The following PYGB variants were observed in gnomAD, a reference collection of about 807,000 sequenced individuals.
PYGB encodes the protein glycogen phosphorylase B.
Under a neutral mutation model 94.3 loss-of-function variants are expected in PYGB, and 82 were observed. That is an observed-to-expected ratio of 0.87 (90% CI 0.73 to 1.04). The LOEUF is 1.04. PYGB is among the 50% of genes least tolerant of loss of function. The probability of loss-of-function intolerance (pLI) is 0.00; values close to 1 mark genes in which losing one functional copy is unlikely to be tolerated. For synonymous variants in PYGB, 488 were observed against 479.1 expected (o/e 1.02, Z -0.24); for missense variants, 1,132 against 1,158.2 (o/e 0.98, Z 0.33).
intron 1 of PYGB, among the ~76,000 whole-genome samples, chr20:25,253,631 A>G (rs942311589): frequency 1.0e-5 from 1 of 98,832 alleles, no homozygotes; most frequent in Non-Finnish European, 2.5e-5. Flanking sequence ...CCTAAATAAA[A>G]TAAAATAAAA....
At position 25,292,579 on chromosome 20, in the gene PYGB, C is replaced by G. The variant is rs201026212; in HGVS notation, c.2143C>G (p.Arg715Gly). ...CGAGAACCTCTTCATCTTCGGCCTG[C>G]GGGTGGAGGATGTCGAGGCCTTGGA... The part of the protein sequence containing the change: ...GAENLFIFGL[R>G]VEDVEALDRK... Residue 715 changes from arginine to glycine, a missense_variant, in exon 17 of 20, where the codon CGG becomes GGG. Physicochemically the swap from Arg to Gly is moderately radical, Grantham distance 125 (BLOSUM62 -2). Coordinates refer to ENST00000216962, the MANE Select transcript of PYGB (RefSeq NM_002862.4). 3 of 1,612,544 alleles carry G rather than the reference C, an allele frequency of 1.9e-6. No homozygotes were observed. The highest frequency in any genetic ancestry group is 2.5e-6 in the Non-Finnish European group (3 of 1,179,966).
intron 18 of PYGB, 141 bp downstream of exon 18, chr20:25,294,433 T>G: frequency 4.5e-6 from 5 of 1,120,532 alleles, no homozygotes; most frequent in Non-Finnish European, 6.3e-6. Flanking sequence ...CATGAGACCT[T>G]ACTGGGCAGA....
rs771604610 is a variant in PYGB at position 25,296,322 on chromosome 20, C to T, written c.2380-48C>T. ...TTCTGGAATCCCATGTTTTTAGCAG[C>T]CCCAAGCCCTGTGACGCCAGAGACT... On this transcript the variant is annotated intron_variant, in intron 19 of 19. Coordinates refer to ENST00000216962, the MANE Select transcript of PYGB (RefSeq NM_002862.4). 9 of 1,607,230 alleles carry T rather than the reference C, an allele frequency of 5.6e-6. No homozygotes were observed. In the East Asian group the frequency reaches 1.6e-4, roughly 28 times the overall value.
chr20:25,284,608 T>A (rs1365305033), intron 14 of PYGB, among the ~76,000 whole-genome samples: 2 of 152,216 alleles, frequency 1.3e-5, no homozygotes, highest in African/African-American at 4.8e-5. Context: ...GTATTTTTTG[T>A]AGAGACAGGG....
chr20:25,293,951 GACTGACTTCAC>G, intron 17 of PYGB, 196 bp from the exon 18 acceptor site: 18 of 613,124 alleles, frequency 2.9e-5, no homozygotes, highest in East Asian at 8.4e-5. Flanking sequence ...ATTGGCTTTA[GACTGACTTCAC>G]ATCTCTGCTC....
rs2088549801 is a variant in PYGB, at chr20:25,296,560, T to A, written c.*38T>A. On this transcript the variant is annotated 3_prime_UTR_variant, in exon 20 of 20. Coordinates refer to ENST00000216962, the MANE Select transcript of PYGB (RefSeq NM_002862.4). ...TTGGCGGGACCAGCGGGCATTTGTT[T>A]TCTTGCTGACTTTGCACCTCCTTTT... 7 of 1,584,706 alleles carry A rather than the reference T, an allele frequency of 4.4e-6. No individual in the cohort carries two copies. The highest frequency in any genetic ancestry group is 6.0e-6 in the Non-Finnish European group (7 of 1,165,718).
intron 13 of PYGB, 96 bp from the exon 14 acceptor site, chr20:25,284,008 G>A (rs560136986): frequency 4.1e-6 from 6 of 1,464,678 alleles, no homozygotes; most frequent in African/African-American, 2.8e-5. Context: ...CCCTCCCTGC[G>A]GCACTCTTCA....
intron 6 of PYGB, among the ~76,000 whole-genome samples, 167 bp downstream of exon 6, chr20:25,276,924 C>CCTGT (rs1478724940): frequency 1.3e-5 from 2 of 152,030 alleles, no homozygotes; most frequent in African/African-American, 2.4e-5. Context: ...GTGCAGCTTA[C>CCTGT]CTGTGTGTGG....
At chr20:25,280,206 A>G in intron 9 of PYGB, 60 bp from the exon 10 acceptor site, 3 of 1,575,132 alleles carry the variant, frequency 1.9e-6, no homozygotes, top group South Asian at 1.1e-5. Flanking sequence ...TGCCTAGGCA[A>G]CTGGCCAGAG....
At chr20:25,289,083 C>A (rs1019945113) in intron 15 of PYGB, among the ~76,000 whole-genome samples, 4 of 152,202 alleles carry the variant, frequency 2.6e-5, no homozygotes, top group African/African-American at 7.2e-5. Context: ...CCCCAGCCCT[C>A]CACGGCAAGG....
chr20:25,258,986 A>C (rs1364763688), intron 1 of PYGB, among the ~76,000 whole-genome samples: 1 of 152,194 alleles, frequency 6.6e-6, no homozygotes, highest in Non-Finnish European at 1.5e-5. Flanking sequence ...ATGGAAAGTT[A>C]GTGTGTGTTC....
intron 14 of PYGB, chr20:25,285,406 C>G (rs1054767377): frequency 6.6e-6 from 1 of 152,280 alleles, no homozygotes; most frequent in Non-Finnish European, 1.5e-5. Context: ...CCACCACCCC[C>G]ACAGTCAGTT....
intron 9 of PYGB, 24 bp from the exon 10 acceptor site, chr20:25,280,242 T>C (rs2088353174): frequency 2.5e-6 from 4 of 1,611,376 alleles, no homozygotes; most frequent in African/African-American, 2.7e-5. Flanking sequence ...AACAAACACA[T>C]GGGAACATTC....
intron 6 of PYGB, 116 bp from the exon 7 acceptor site, chr20:25,277,128 T>G (rs1319368227): frequency 3.9e-6 from 3 of 767,814 alleles, no homozygotes; most frequent in Non-Finnish European, 4.5e-6. Context: ...ATGCAGCGGC[T>G]GGGGGAGTCC....
chr20:25,290,453 G>A, intron 15 of PYGB, 28 bp from the exon 16 acceptor site: 1 of 1,593,892 alleles, frequency 6.3e-7, no homozygotes, highest in Non-Finnish European at 8.6e-7. Context: ...GCATTTTTGT[G>A]CTAAAAACCT....
At chr20:25,251,266 G>A (rs2092887201) in intron 1 of PYGB, 1 of 152,246 alleles carries the variant, frequency 6.6e-6, no homozygotes, top group African/African-American at 2.4e-5. Context: ...GCGCTGCATG[G>A]AGAAGAAAGG....
chr20:25,271,328 TG>T, intron 3 of PYGB, 54 bp from the exon 4 acceptor site: 1 of 1,549,980 alleles, frequency 6.5e-7, no homozygotes, highest in Non-Finnish European at 8.9e-7. Context: ...TGCCTCCGCA[TG>T]GGACCTTGGT....
intron 12 of PYGB, 51 bp downstream of exon 12, chr20:25,282,198 G>T: frequency 2.1e-6 from 3 of 1,445,468 alleles, no homozygotes; most frequent in Non-Finnish European, 2.9e-6. Context: ...GCTGAGAACC[G>T]CGGGCCATGT....
At chr20:25,294,824 G>A in intron 18 of PYGB, 1 of 813,900 alleles carries the variant, frequency 1.2e-6, no homozygotes, top group Non-Finnish European at 2.1e-6. Flanking sequence ...ACTTTGTAAG[G>A]TTTGCAGCTC....
Sources: gnomAD v4.1 joint callset for allele counts (sites outside exome capture counted in the v4.1 genomes callset) on GRCh38, gnomAD v4.1.1 for gene constraint, MANE v1.5 for transcripts, NCBI Gene and HGNC (gene_info 2026-07-23, HGNC 2026-07-21) for gene names.